ERC2: variants seen among roughly 807,000 people sequenced by gnomAD.
ERC2 encodes the protein ELKS/RAB6-interacting/CAST family member 2.
A neutral mutation model predicts 114.8 loss-of-function variants in ERC2; 42 were observed. The observed-to-expected ratio is 0.37, with a 90% CI of 0.29 to 0.47. ERC2 has a LOEUF of 0.47. ERC2 is among the 20% of genes least tolerant of loss of function. ERC2 has a pLI of 0.99. For missense variants in ERC2, 939 were observed against 1,150.7 expected (o/e 0.82, Z 2.66); for synonymous variants, 454 against 425.5 (o/e 1.07, Z -0.82).
At chr3:56,343,856 TG>T (rs1344151790) in intron 2 of ERC2, among the ~76,000 whole-genome samples, 2 of 152,204 alleles carry the variant, frequency 1.3e-5, no homozygotes, top group African/African-American at 4.8e-5. Flanking sequence ...CACAAAGTCT[TG>T]CCCTTGTTAC....
At chr3:55,750,429 G>C (rs1484686472) in intron 14 of ERC2, among the ~76,000 whole-genome samples, 1 of 152,124 alleles carries the variant, frequency 6.6e-6, no homozygotes, top group African/African-American at 2.4e-5. Flanking sequence ...GCTTTTAAAA[G>C]GAGAACTGGA....
intron 11 of ERC2, among the ~76,000 whole-genome samples, chr3:55,986,238 A>C (rs1270514973): frequency 1.3e-5 from 2 of 152,214 alleles, no homozygotes. Context: ...GATATGTATA[A>C]TTACAAAAAG....
chr3:56,338,230 T>C (rs1229842992), intron 2 of ERC2, among the ~76,000 whole-genome samples: 2 of 152,212 alleles, frequency 1.3e-5, no homozygotes, highest in Admixed American at 1.3e-4. Flanking sequence ...TCGTGATGGT[T>C]ACATGTGTAT....
intron 3 of ERC2, among the ~76,000 whole-genome samples, chr3:56,273,258 CTTTCTTT>C (rs2053775312): frequency 1.1e-5 from 1 of 94,740 alleles, no homozygotes. Flanking sequence ...CTTTTTTTTT[CTTTCTTT>C]TTTTTTTTTT....
chr3:55,990,032 A>G (rs11709914), intron 11 of ERC2, among the ~76,000 whole-genome samples: 4,419 of 152,248 alleles, frequency 0.029, 148 homozygotes, highest in East Asian at 0.18. Flanking sequence ...TTTCCTAATC[A>G]ATGAAAGAGA....
chr3:56,108,787 A>C (rs946705837), intron 6 of ERC2, among the ~76,000 whole-genome samples: 1 of 152,142 alleles, frequency 6.6e-6, no homozygotes, highest in Non-Finnish European at 1.5e-5. Context: ...GATTGAAAGG[A>C]GCAATCTCTT....
intron 11 of ERC2, among the ~76,000 whole-genome samples, chr3:55,986,966 C>T (rs966580145): frequency 6.6e-6 from 1 of 151,880 alleles, no homozygotes; most frequent in African/African-American, 2.4e-5. Flanking sequence ...CCCACCATTC[C>T]ATACTATAAA....
chr3:56,414,505 G>A (rs1213849855), intron 2 of ERC2, among the ~76,000 whole-genome samples: 1 of 152,018 alleles, frequency 6.6e-6, no homozygotes, highest in Admixed American at 6.6e-5. Flanking sequence ...GGTGGATCAC[G>A]AGGTCAGGAG....
chr3:55,709,600 C>T (rs1193996988), intron 15 of ERC2, among the ~76,000 whole-genome samples: 1 of 152,194 alleles, frequency 6.6e-6, no homozygotes, highest in Admixed American at 6.5e-5. Flanking sequence ...GGACGCTCTC[C>T]TTCAAGGGCT....
At chr3:56,123,446 G>GA (rs912312784) in intron 6 of ERC2, among the ~76,000 whole-genome samples, 14 of 146,968 alleles carry the variant, frequency 9.5e-5, no homozygotes, top group South Asian at 6.5e-4. Flanking sequence ...AAACTGTGAG[G>GA]AAAAAAAAAA....
intron 17 of ERC2, among the ~76,000 whole-genome samples, chr3:55,582,778 T>G (rs945874883): frequency 6.6e-6 from 1 of 152,174 alleles, no homozygotes; most frequent in Non-Finnish European, 1.5e-5. Flanking sequence ...AATCCTGACA[T>G]TATTACAAAT....
chr3:56,421,764 A>C (rs1013516875), intron 2 of ERC2, among the ~76,000 whole-genome samples: 4 of 152,124 alleles, frequency 2.6e-5, no homozygotes, highest in Non-Finnish European at 4.4e-5. Context: ...TCCATGTGAC[A>C]CCTGGCTGCC....
chr3:56,026,758 T>C (rs961852890), intron 7 of ERC2, among the ~76,000 whole-genome samples: 3 of 152,212 alleles, frequency 2.0e-5, no homozygotes, highest in Non-Finnish European at 2.9e-5. Flanking sequence ...GGAATTGACA[T>C]TGATACAACC....
chr3:56,206,728 T>A (rs1344176159), intron 3 of ERC2, among the ~76,000 whole-genome samples: 1 of 152,224 alleles, frequency 6.6e-6, no homozygotes, highest in Non-Finnish European at 1.5e-5. Context: ...AGGTCCCAAC[T>A]TTTCACTGAG....
chr3:56,365,978 A>T (rs2059135784), intron 2 of ERC2, among the ~76,000 whole-genome samples: 1 of 152,220 alleles, frequency 6.6e-6, no homozygotes, highest in Non-Finnish European at 1.5e-5. Flanking sequence ...ACCATGTATA[A>T]CAGAACTCTG....
chr3:56,032,977 G>C lies in ERC2; in HGVS notation c.1642-13946C>G, dbSNP rs1415685378. On this transcript the variant is annotated intron_variant, in intron 7 of 17. Transcript: ENST00000288221. ...AAAGAAACAGAAAGAAAGAAAGAAA[G>C]AGAAAGAAAGAAAGAAAGAAAGAAA... is the stretch of plus-strand genomic sequence containing the variant. Among the ~76,000 whole-genome samples the C allele has an allele frequency of 2.5e-3, 114 of 45,426 alleles. 5 individuals are homozygous for C. The East Asian group carries it at 0.026, about 10-fold the overall frequency. The allele number at this position is 45,426 out of a possible 152,430, so 29.8% of individuals were successfully genotyped here. A position where few individuals can be genotyped will look rare whatever the true frequency, so the allele number is the denominator to read the frequency against.
chr3:55,935,555 C>T lies in ERC2; in HGVS notation c.2403+14870G>A, dbSNP rs2066387521. ...TCCTTGCTCACATAAGTGCTATTGG[C>T]CAAGATCTAAACACTCAGAAAAAGT... On this transcript the variant is annotated intron_variant, in intron 13 of 17. Transcript: ENST00000288221. Among the ~76,000 whole-genome samples, 3 of 152,128 alleles carry T rather than the reference C, an allele frequency of 2.0e-5. No individual in the cohort carries two copies. In the East Asian group the frequency reaches 5.8e-4, roughly 29 times the overall value.
chr3:56,147,405 A>C (rs1473106939), intron 5 of ERC2, among the ~76,000 whole-genome samples: 1 of 152,230 alleles, frequency 6.6e-6, no homozygotes, highest in Non-Finnish European at 1.5e-5. Flanking sequence ...ACATCTAGTT[A>C]GAGATGGAAA....
intron 7 of ERC2, among the ~76,000 whole-genome samples, chr3:56,062,178 A>T (rs913987651): frequency 1.3e-5 from 2 of 152,238 alleles, no homozygotes; most frequent in Non-Finnish European, 2.9e-5. Flanking sequence ...TAAAAGAAGT[A>T]TAACATGGTA....
Sources: allele counts gnomAD v4.1 joint callset (sites outside exome capture counted in the v4.1 genomes callset), GRCh38; gene constraint gnomAD v4.1.1; transcripts MANE v1.5; gene names NCBI Gene and HGNC (gene_info 2026-07-23, HGNC 2026-07-21).